CSDE1: variants seen among roughly 807,000 people sequenced by gnomAD.
The protein encoded by CSDE1 is cold shock domain containing E1, also known as cold shock domain-containing protein E1.
A neutral mutation model predicts 89.3 loss-of-function variants in CSDE1; 17 were observed. The ratio of observed to expected loss-of-function variants is 0.19; its 90% confidence interval spans 0.13 to 0.29. The LOEUF is 0.29. CSDE1 is among the 10% of genes least tolerant of loss of function. The pLI is 1.00. For synonymous variants in CSDE1, 322 were observed against 332.8 expected, an observed-to-expected ratio of 0.97 and a Z score of 0.35; for missense variants, 672 against 984.2, an observed-to-expected ratio of 0.68 and a Z score of 4.24.
At chr1:114,753,674 G>A (rs1361467090) in intron 1 of CSDE1, among the ~76,000 whole-genome samples, 1 of 152,174 alleles carries the variant, frequency 6.6e-6, no homozygotes, top group Admixed American at 6.5e-5. Flanking sequence ...CCCCAGCACT[G>A]TGGCAGGCCA....
chr1:114,735,119 C>T (rs1045560579), intron 6 of CSDE1, among the ~76,000 whole-genome samples: 1 of 152,152 alleles, frequency 6.6e-6, no homozygotes, highest in African/African-American at 2.4e-5. Context: ...TGATATCCAC[C>T]TCCATTGGAG....
chr1:114,733,647 A>G, intron 9 of CSDE1, 85 bp downstream of exon 9: 3 of 1,247,650 alleles, frequency 2.4e-6, no homozygotes, highest in Non-Finnish European at 3.4e-6. Flanking sequence ...ATATTAACTG[A>G]ATAAGATAAA....
intron 1 of CSDE1, among the ~76,000 whole-genome samples, chr1:114,752,478 C>T (rs992907376): frequency 6.6e-6 from 1 of 152,104 alleles, no homozygotes; most frequent in Admixed American, 6.6e-5. Context: ...CTCCCCCCAA[C>T]CCCTGCTCCA....
intron 5 of CSDE1, 134 bp from the exon 6 acceptor site, chr1:114,736,989 T>C: frequency 1.6e-6 from 1 of 622,678 alleles, no homozygotes; most frequent in East Asian, 2.8e-5. Flanking sequence ...TTATGACAAG[T>C]CACTTTATTC....
chr1:114,729,104 AATT>A (rs1451737561), intron 12 of CSDE1, among the ~76,000 whole-genome samples: 2 of 151,708 alleles, frequency 1.3e-5, no homozygotes, highest in Non-Finnish European at 2.9e-5. Context: ...ACAAGGTCTA[AATT>A]TTTTTTTTGG....
intron 9 of CSDE1, 131 bp downstream of exon 9, chr1:114,733,601 G>T: frequency 1.7e-6 from 1 of 592,072 alleles, no homozygotes; most frequent in Non-Finnish European, 2.7e-6. Flanking sequence ...TTAAATATAC[G>T]TAACAAGAGG....
At position 114,718,654 on chromosome 1, in the gene CSDE1, G is replaced by A. The variant is rs1275458635; in HGVS notation, c.2308C>T (p.Leu770=). 6.2e-7 allele frequency: 1 copy of A among 1,614,196 alleles called. No homozygotes were observed. The highest frequency in any genetic ancestry group is 8.5e-7 in the Non-Finnish European group (1 of 1,180,038). Residue 770 remains leucine, a synonymous_variant, in exon 19 of 20, where the codon CTA becomes TTA. Coordinates refer to ENST00000358528, the MANE Select transcript of CSDE1 (RefSeq NM_001007553.3). The part of the protein sequence containing the change: ...ITLDDASAPR[L]MVLRQPRGPD... ...CCCCTTGGCTGACGAAGAACCATTAGGCGAGGAGCACTGGCATCATCCAGA... is the reference window on the plus strand; with the variant it reads ...CCCCTTGGCTGACGAAGAACCATTAAGCGAGGAGCACTGGCATCATCCAGA...
chr1:114,719,554 A>C, intron 18 of CSDE1, 25 bp downstream of exon 18: 1 of 1,608,160 alleles, frequency 6.2e-7, no homozygotes, highest in Non-Finnish European at 8.5e-7. Flanking sequence ...GTAGTTACTA[A>C]TCAAACCACA....
intron 9 of CSDE1, among the ~76,000 whole-genome samples, 200 bp downstream of exon 9, chr1:114,733,532 G>GAA (rs371869505): frequency 3.4e-4 from 33 of 95,972 alleles, no homozygotes; most frequent in South Asian, 1.4e-3. Flanking sequence ...CACAAAAAAA[G>GAA]AAAAAAAAAA....
chr1:114,724,244 G>T, intron 15 of CSDE1: 1 of 305,774 alleles, frequency 3.3e-6, no homozygotes. Context: ...ATTGTTTAAG[G>T]AATTAATAAG....
chr1:114,733,263 C>G (rs1347221687), intron 9 of CSDE1, among the ~76,000 whole-genome samples: 1 of 152,068 alleles, frequency 6.6e-6, no homozygotes, highest in Non-Finnish European at 1.5e-5. Flanking sequence ...CGAGGTGGCT[C>G]ATACTTGTAA....
intron 16 of CSDE1, 142 bp downstream of exon 16, chr1:114,723,741 A>G: frequency 8.7e-7 from 1 of 1,144,638 alleles, no homozygotes; most frequent in Non-Finnish European, 1.3e-6. Flanking sequence ...AAAAATAAAA[A>G]GCAAGCATGA....
chr1:114,735,222 T>A (rs1016423741), intron 6 of CSDE1, among the ~76,000 whole-genome samples: 1 of 152,210 alleles, frequency 6.6e-6, no homozygotes, highest in Non-Finnish European at 1.5e-5. Flanking sequence ...TAAGATAACA[T>A]AGACTGTATA....
At chr1:114,734,641 C>A in intron 6 of CSDE1, 118 bp from the exon 7 acceptor site, 2 of 703,154 alleles carry the variant, frequency 2.8e-6, no homozygotes, top group South Asian at 1.9e-5. Flanking sequence ...TCTATCATCA[C>A]TAAGAATAAA....
At chr1:114,742,513 C>G (rs900028129) in intron 2 of CSDE1, among the ~76,000 whole-genome samples, 1 of 152,092 alleles carries the variant, frequency 6.6e-6, no homozygotes, top group African/African-American at 2.4e-5. Flanking sequence ...ACCCAGGAGG[C>G]GGAGGTTGCA....
chr1:114,738,152 G>C (rs1007941081), intron 3 of CSDE1, 80 bp from the exon 4 acceptor site: 5 of 1,077,212 alleles, frequency 4.6e-6, no homozygotes, highest in South Asian at 1.3e-5. Flanking sequence ...ACTTAACATA[G>C]CATTTGAATT....
At chr1:114,741,337 T>C (rs1300123553) in intron 2 of CSDE1, among the ~76,000 whole-genome samples, 1 of 152,214 alleles carries the variant, frequency 6.6e-6, no homozygotes, top group Non-Finnish European at 1.5e-5. Context: ...ATGCTTCTGA[T>C]TCTTAGATAT....
chr1:114,757,852 T>C (rs1661703697), intron 1 of CSDE1, 73 bp downstream of exon 1: 1 of 152,700 alleles, frequency 6.5e-6, no homozygotes, highest in African/African-American at 2.4e-5. Context: ...GGCTTCTCGT[T>C]AGCCTTGGTC....
chr1:114,718,060 ATAAG>A lies in CSDE1; in HGVS notation c.*105_*108del. ...AAAACTGGTGTAATAGCTCAATAGAATAAGTATTCCAGATTTCGGGAGGGATGAA... is the reference window on the plus strand; with the variant it reads ...AAAACTGGTGTAATAGCTCAATAGAATATTCCAGATTTCGGGAGGGATGAA... On this transcript the variant is annotated 3_prime_UTR_variant, in exon 20 of 20. Coordinates refer to ENST00000358528, the MANE Select transcript of CSDE1 (RefSeq NM_001007553.3). 9.3e-7 allele frequency: 1 copy of A among 1,078,742 alleles called. No individual in the cohort carries two copies. Among genetic ancestry groups the A allele is most frequent in the Non-Finnish European group, 1.4e-6 (1 of 702,790 alleles). The allele number at this position is 1,078,742 out of a possible 1,614,324, so 66.8% of individuals were successfully genotyped here.
Sources: gnomAD v4.1 joint callset for allele counts (sites outside exome capture counted in the v4.1 genomes callset) on GRCh38, gnomAD v4.1.1 for gene constraint, MANE v1.5 for transcripts, NCBI Gene and HGNC (gene_info 2026-07-23, HGNC 2026-07-21) for gene names.